Variants in DMD observed in about 807,000 individuals in gnomAD.
The protein encoded by DMD is mutant dystrophin.
In DMD, 63 loss-of-function variants were observed where a neutral mutation model predicts 330.1. The observed-to-expected ratio is 0.19, with a 90% confidence interval of 0.16 to 0.24. The LOEUF is 0.24. Among genes scored for constraint, DMD ranks in the 10% least tolerant of loss-of-function variants. The probability of loss-of-function intolerance (pLI) is 1.00; values close to 1 mark genes in which losing one functional copy is unlikely to be tolerated. For missense variants in DMD, 3,344 were observed against 2,684.1 expected (o/e 1.25, Z -5.43); for synonymous variants, 1,223 against 959.8 (o/e 1.27, Z -5.07).
intron 67 of DMD, among the ~76,000 whole-genome samples, chrX:31,202,154 C>G (rs1410302426): frequency 9.0e-6 from 1 of 111,551 alleles, no homozygotes; most frequent in Admixed American, 9.5e-5. Flanking sequence ...CCATTGCACT[C>G]CAGCCTGGGC....
At chrX:31,604,140 A>C (rs1406612463) in intron 55 of DMD, among the ~76,000 whole-genome samples, 3 of 112,186 alleles carry the variant, frequency 2.7e-5, no homozygotes, top group African/African-American at 9.7e-5. Flanking sequence ...CTTCTTATGT[A>C]GTCTCCAAAT....
chrX:31,399,169 A>C (rs1201759610), intron 60 of DMD, among the ~76,000 whole-genome samples: 1 of 110,366 alleles, frequency 9.1e-6, no homozygotes, highest in Non-Finnish European at 1.9e-5. Flanking sequence ...GGTCACATGA[A>C]CAAATTGAAG....
At chrX:32,713,103 CTATGT>C (rs1053038709) in intron 7 of DMD, among the ~76,000 whole-genome samples, 2 of 111,755 alleles carry the variant, frequency 1.8e-5, no homozygotes, top group African/African-American at 6.5e-5. Flanking sequence ...TCATGTCATA[CTATGT>C]TAAGTATGTT....
At chrX:32,067,314 T>C (rs748966398) in intron 44 of DMD, among the ~76,000 whole-genome samples, 1 of 111,604 alleles carries the variant, frequency 9.0e-6, no homozygotes, top group East Asian at 2.8e-4. Flanking sequence ...GTATAATACA[T>C]TAGATACTTT....
intron 1 of DMD, among the ~76,000 whole-genome samples, chrX:33,230,008 T>C (rs1386528271): frequency 2.7e-5 from 3 of 112,522 alleles, no homozygotes; most frequent in Non-Finnish European, 5.6e-5. Context: ...TACAATGTGC[T>C]ATTGTCTGCT....
chrX:32,279,949 C>T (rs868635623), intron 43 of DMD, among the ~76,000 whole-genome samples: 2 of 47,602 alleles, frequency 4.2e-5, no homozygotes, highest in Non-Finnish European at 9.5e-5. Flanking sequence ...CATATATACA[C>T]ATATATATGT....
chrX:31,416,304 T>C (rs929632446), intron 60 of DMD, among the ~76,000 whole-genome samples: 1 of 112,259 alleles, frequency 8.9e-6, no homozygotes, highest in Non-Finnish European at 1.9e-5. Context: ...CTGAGGGAAA[T>C]AGTGGATTGC....
chrX:33,155,704 C>A (rs2048478293), intron 1 of DMD, among the ~76,000 whole-genome samples: 1 of 110,195 alleles, frequency 9.1e-6, no homozygotes, highest in African/African-American at 3.3e-5. Context: ...CGTATCTGTA[C>A]TCCTAGCATT....
At chrX:31,778,152 T>C in intron 50 of DMD, among the ~76,000 whole-genome samples, 1 of 112,714 alleles carries the variant, frequency 8.9e-6, no homozygotes, top group Non-Finnish European at 1.9e-5. Flanking sequence ...AAGAAGTGTG[T>C]AACTAAAATA....
chrX:33,050,409 T>A (rs1258834135), intron 1 of DMD, among the ~76,000 whole-genome samples: 3 of 111,662 alleles, frequency 2.7e-5, no homozygotes, highest in Non-Finnish European at 5.6e-5. Context: ...ATGATTAAAC[T>A]AGATTTTTTT....
intron 43 of DMD, among the ~76,000 whole-genome samples, chrX:32,239,138 C>T (rs1017669547): frequency 9.9e-5 from 11 of 111,379 alleles, no homozygotes; most frequent in Admixed American, 1.9e-4. Context: ...TACATCCTTT[C>T]CTTATTTGTG....
intron 2 of DMD, among the ~76,000 whole-genome samples, chrX:32,961,996 G>A (rs1432218359): frequency 9.0e-6 from 1 of 111,633 alleles, no homozygotes; most frequent in African/African-American, 3.3e-5. Flanking sequence ...TTGATTGTGG[G>A]AAAATGACAA....
intron 47 of DMD, among the ~76,000 whole-genome samples, chrX:31,913,734 AAAAACAAAAC>A (rs61632991): frequency 1.8e-4 from 19 of 107,802 alleles, no homozygotes; most frequent in South Asian, 1.1e-3. Flanking sequence ...AAACAAAAAC[AAAAACAAAAC>A]AAAACAAAAC....
At chrX:31,941,169 G>T (rs1430932995) in intron 45 of DMD, among the ~76,000 whole-genome samples, 1 of 111,678 alleles carries the variant, frequency 9.0e-6, no homozygotes, top group Admixed American at 9.5e-5. Flanking sequence ...ATCTTCATCT[G>T]TCAGAGGCAG....
chrX:31,292,058 A>G (rs1312673176), intron 62 of DMD, among the ~76,000 whole-genome samples: 2 of 111,876 alleles, frequency 1.8e-5, no homozygotes. Context: ...TTGTATTAGG[A>G]AAGATTTCTT....
intron 7 of DMD, among the ~76,000 whole-genome samples, chrX:32,765,965 A>T (rs1368630161): frequency 9.0e-6 from 1 of 111,725 alleles, no homozygotes; most frequent in Non-Finnish European, 1.9e-5. Context: ...TCATTAAAAA[A>T]TCATTAAAAA....
rs1014452642 is a variant in DMD, at chrX:32,371,807, A to C, written c.4846-6608T>G. On this transcript the variant is annotated intron_variant, in intron 34 of 78. Transcript: ENST00000357033. ...TAAGATACTAACAAACAATATTTGA[A>C]ATCTAAAATCACAACAGTGGGGACA... Among the ~76,000 whole-genome samples, 3 of 111,659 alleles carry C rather than the reference A, an allele frequency of 2.7e-5. No homozygotes were observed. In the Admixed American group the frequency reaches 2.9e-4, roughly 11 times the overall value.
intron 18 of DMD, among the ~76,000 whole-genome samples, chrX:32,513,159 G>A (rs1439354326): frequency 1.8e-5 from 2 of 109,621 alleles, no homozygotes; most frequent in African/African-American, 6.9e-5. Context: ...GGCATCCCTA[G>A]CAATTATTTA....
At chrX:31,203,641 A>C (rs925584708) in intron 67 of DMD, among the ~76,000 whole-genome samples, 1 of 112,514 alleles carries the variant, frequency 8.9e-6, no homozygotes, top group Non-Finnish European at 1.9e-5. Flanking sequence ...CTCGCCTACA[A>C]AGGCCATTTT....
Sources: gnomAD v4.1 joint callset for allele counts (sites outside exome capture counted in the v4.1 genomes callset) on GRCh38, gnomAD v4.1.1 for gene constraint, MANE v1.5 for transcripts, NCBI Gene and HGNC (gene_info 2026-07-23, HGNC 2026-07-21) for gene names.